The following CCDC88A variants were observed in gnomAD, a reference collection of about 807,000 sequenced individuals.
The protein encoded by CCDC88A is girdin.
A neutral mutation model predicts 234.3 loss-of-function variants in CCDC88A; 54 were observed. The ratio of observed to expected loss-of-function variants is 0.23; its 90% CI spans 0.19 to 0.29. CCDC88A has a LOEUF of 0.29. Among genes scored for constraint, CCDC88A ranks in the 10% least tolerant of loss-of-function variants. CCDC88A has a pLI of 1.00. For missense variants in CCDC88A, 1,832 were observed against 2,123.4 expected (o/e 0.86, Z 2.70); for synonymous variants, 753 against 737.8 (o/e 1.02, Z -0.33).
At chr2:55,346,964 C>G (rs1669198904) in intron 9 of CCDC88A, among the ~76,000 whole-genome samples, 2 of 151,850 alleles carry the variant, frequency 1.3e-5, no homozygotes, top group South Asian at 4.2e-4. Flanking sequence ...AAAAAATATT[C>G]AGGATATTTT....
rs1462422617 is a variant in CCDC88A, at chr2:55,295,841, A to G, written c.5307T>C (p.Ser1769=). The G allele has an allele frequency of 6.2e-7, 1 of 1,613,978 alleles. No homozygotes were observed. The highest frequency in any genetic ancestry group is 8.5e-7 in the Non-Finnish European group (1 of 1,180,022). The change falls in exon 31 of 33, where the codon TCT becomes TCC. Residue 1769 remains serine (S), a synonymous_variant. Transcript: ENST00000436346. ...GAGTGCCTGGTGTAGGTTTTCCCGC[A>G]GAACTAATGAAGTAGGTATCTTCAG... ...RKTEDTYFIS[S]AGKPTPGTQG...
chr2:55,401,325 G>A (rs1242207098), intron 2 of CCDC88A, among the ~76,000 whole-genome samples: 9 of 149,662 alleles, frequency 6.0e-5, no homozygotes, highest in Non-Finnish European at 1.0e-4. Flanking sequence ...TCCTAGCTAC[G>A]CAGGAGGCTA....
At chr2:55,338,590 T>A (rs948605003) in intron 13 of CCDC88A, among the ~76,000 whole-genome samples, 2 of 152,200 alleles carry the variant, frequency 1.3e-5, no homozygotes, top group Admixed American at 6.5e-5. Flanking sequence ...TCTCTAAATA[T>A]CATTTCCCAC....
Position 55,299,839 on chromosome 2 carries a change from C to A in CCDC88A, c.4825G>T (p.Ala1609Ser). Reference protein sequence around the residue: ...NNNASLHEVKAGAVNNQSRPQ... With the variant: ...NNNASLHEVKSGAVNNQSRPQ... ...ATTAATAAATTTACCTACAGCATAC[C>A]TTTGACTTCATGTAGTGAAGCATTA... Residue 1609 changes from alanine to serine, a missense_variant and splice_region_variant, in exon 29 of 33, where the codon GCA becomes TCA. By Grantham distance (99) the Ala-to-Ser change is moderately conservative (BLOSUM62 1). Coordinates refer to ENST00000436346, the MANE Select transcript of CCDC88A (RefSeq NM_001365480.1). 6.2e-7 allele frequency: 1 copy of A among 1,602,726 alleles called. No individual in the cohort carries two copies. Among genetic ancestry groups the A allele is most frequent in the African/African-American group, 1.3e-5 (1 of 74,770 alleles).
chr2:55,368,470 T>C (rs1274960725), intron 5 of CCDC88A, among the ~76,000 whole-genome samples: 3 of 151,872 alleles, frequency 2.0e-5, no homozygotes, highest in Non-Finnish European at 1.5e-5. Flanking sequence ...TCTCTCTCTC[T>C]TTCTCCCTCT....
chr2:55,330,048 A>G (rs1274171575), intron 16 of CCDC88A: 1 of 152,162 alleles, frequency 6.6e-6, no homozygotes, highest in Non-Finnish European at 1.5e-5. Context: ...GGCATGAGCC[A>G]CCGTGCCCGG....
At chr2:55,375,495 A>G (rs930079717) in intron 3 of CCDC88A, among the ~76,000 whole-genome samples, 5 of 48,134 alleles carry the variant, frequency 1.0e-4, no homozygotes, top group Admixed American at 1.9e-4. Flanking sequence ...ATATATATAT[A>G]TATATATATA....
Position 55,332,515 on chromosome 2 carries a change from C to CAAAA in CCDC88A, c.2855+47_2855+50dup. The CAAAA allele has an allele frequency of 1.6e-5, 22 of 1,378,778 alleles. No individual in the cohort carries two copies. In the East Asian group the frequency reaches 4.7e-4, roughly 30 times the overall value. 85.4% of individuals were successfully genotyped at this position (1,378,778 alleles called of 1,614,324 possible). A position where few individuals can be genotyped will look rare whatever the true frequency, so the allele number is the denominator to read the frequency against. On this transcript the variant is annotated intron_variant, in intron 16 of 32. Coordinates refer to ENST00000436346, the MANE Select transcript of CCDC88A (RefSeq NM_001365480.1). The surrounding 1 kb of genome is among the most constrained non-coding windows in gnomAD (Gnocchi z 4.5). ...AGTACAGAAAGAATTCATGTATGAG[C>CAAAA]AAAAAAAAAAAAAAATTTTCAACTG...
At chr2:55,331,328 T>C (rs1365333543) in intron 16 of CCDC88A, among the ~76,000 whole-genome samples, 1 of 152,218 alleles carries the variant, frequency 6.6e-6, no homozygotes, top group Non-Finnish European at 1.5e-5. Context: ...TAATCATTGC[T>C]TGACTTGAAC....
At position 55,388,522 on chromosome 2, in the gene CCDC88A, T is replaced by C. The variant is rs565722081; in HGVS notation, c.273+256A>G. 3.3e-4 allele frequency: 68 copies of C among 207,948 alleles called. 1 individual carries two copies. In the South Asian group the frequency reaches 8.9e-3, roughly 27 times the overall value. The allele number at this position is 207,948 out of a possible 1,614,324, so 12.9% of individuals were successfully genotyped here. A position where few individuals can be genotyped will look rare whatever the true frequency, so the allele number is the denominator to read the frequency against. The stretch of plus-strand genomic sequence containing the variant: ...ACAACAAAATGTTACACTATGCAAG[T>C]TCTCAGGAAACTGGGACCTGATTTT... On this transcript the variant is annotated intron_variant, in intron 3 of 32. Transcript: ENST00000436346.
rs757654669 is a variant in CCDC88A at position 55,334,689 on chromosome 2, T to G, written c.2132A>C (p.Glu711Ala). ...TTTCATGCTTGCACACTTCAAAGATTCTACATTCCTTCGCAGTTCTAAGTT... is the reference window on the plus strand; with the variant it reads ...TTTCATGCTTGCACACTTCAAAGATGCTACATTCCTTCGCAGTTCTAAGTT... ...EENLELRRNVESLKCASMKMA... is the reference protein window; with the variant it reads ...EENLELRRNVASLKCASMKMA... The change falls in exon 15 of 33, where the codon GAA becomes GCA. Residue 711 changes from glutamate to alanine, a missense_variant. By Grantham distance (107) the Glu-to-Ala change is moderately radical (BLOSUM62 -1). This residue lies in a region of CCDC88A where 1,282 missense variants were observed against 1,543.6 expected (regional missense o/e 0.83). Coordinates refer to ENST00000436346, the MANE Select transcript of CCDC88A (RefSeq NM_001365480.1). This position sits in a 1 kb window ranked among gnomAD's most constrained non-coding sequence, Gnocchi z 6.1. 17 of 1,613,638 alleles carry G rather than the reference T, an allele frequency of 1.1e-5. No homozygotes were observed. The South Asian group carries it at 1.9e-4, about 18-fold the overall frequency.
chr2:55,368,838 G>A (rs1044753108), intron 5 of CCDC88A, among the ~76,000 whole-genome samples: 3 of 152,048 alleles, frequency 2.0e-5, no homozygotes, highest in African/African-American at 7.3e-5. Flanking sequence ...GAAATAGAGA[G>A]GACATTTTAC....
chr2:55,317,496 A>C lies in CCDC88A; in HGVS notation c.3602+68T>G. 2 of 1,243,628 alleles carry C rather than the reference A, an allele frequency of 1.6e-6. No individual in the cohort carries two copies. The allele number at this position is 1,243,628 out of a possible 1,614,324, so 77.0% of individuals were successfully genotyped here. A position where few individuals can be genotyped will look rare whatever the true frequency, so the allele number is the denominator to read the frequency against. On this transcript the variant is annotated intron_variant, in intron 20 of 32. Coordinates refer to ENST00000436346, the MANE Select transcript of CCDC88A (RefSeq NM_001365480.1). The surrounding 1 kb of genome is among the most constrained non-coding windows in gnomAD (Gnocchi z 4.2). ...CTAACATTAGATGTGTTTAATATAT[A>C]AAATTTATTATACTACTTGAAGAAA...
At chr2:55,354,908 T>G (rs1670366529) in intron 8 of CCDC88A, among the ~76,000 whole-genome samples, 1 of 151,086 alleles carries the variant, frequency 6.6e-6, no homozygotes, top group Non-Finnish European at 1.5e-5. Flanking sequence ...CTTTTTTTAC[T>G]TTTAAACTTT....
Position 55,335,404 on chromosome 2 carries a change from C to G in CCDC88A, c.1657-240G>C, listed in dbSNP as rs1404054281. ...AAAGTTCATGTTTTTAGGAAGTTCA[C>G]AGTTTAAAGGAACGGTTGAGAAATG... On this transcript the variant is annotated intron_variant, in intron 14 of 32. Transcript: ENST00000436346. The surrounding 1 kb of genome is among the most constrained non-coding windows in gnomAD (Gnocchi z 4.5). 1.3e-5 allele frequency among the ~76,000 whole-genome samples: 2 copies of G among 152,152 alleles called. No homozygotes were observed. Among genetic ancestry groups the G allele is most frequent in the East Asian group, 3.9e-4 (2 of 5,184 alleles).
In CCDC88A at chr2:55,332,970, A is replaced by G. The variant is rs779061232; in HGVS notation, c.2728-277T>C. On this transcript the variant is annotated intron_variant, in intron 15 of 32. Coordinates refer to ENST00000436346, the MANE Select transcript of CCDC88A (RefSeq NM_001365480.1). This position sits in a 1 kb window ranked among gnomAD's most constrained non-coding sequence, Gnocchi z 4.5. ...CATTTAGGTTTGAAAACTGGGGAAA[A>G]TCATATCCATTTACTTTTTAATAAT... 3.9e-5 allele frequency among the ~76,000 whole-genome samples: 6 copies of G among 152,200 alleles called. No homozygotes were observed. Among genetic ancestry groups the G allele is most frequent in the Admixed American group, 1.3e-4 (2 of 15,280 alleles).
chr2:55,333,948 G>C (rs138685352), intron 15 of CCDC88A, 146 bp downstream of exon 15: 52 of 399,084 alleles, frequency 1.3e-4, no homozygotes, highest in African/African-American at 1.1e-3. Flanking sequence ...AGGAAACTTG[G>C]AAGCTATTTC....
chr2:55,310,947 A>AT (rs1682276950), intron 23 of CCDC88A, among the ~76,000 whole-genome samples: 1 of 152,226 alleles, frequency 6.6e-6, no homozygotes, highest in Non-Finnish European at 1.5e-5. Context: ...TAACAAAGGC[A>AT]TTTAGCTAGA....
intron 16 of CCDC88A, among the ~76,000 whole-genome samples, chr2:55,330,497 T>C (rs987366594): frequency 1.1e-5 from 1 of 92,430 alleles, no homozygotes; most frequent in Non-Finnish European, 2.3e-5. Context: ...ACGGGAAACT[T>C]AGATTAATAG....
Sources: gnomAD v4.1 joint callset for allele counts (sites outside exome capture counted in the v4.1 genomes callset) on GRCh38, gnomAD v4.1.1 for gene constraint, gnomAD v4.1.1 regional missense constraint, Gnocchi (gnomAD v3.1) non-coding constraint, MANE v1.5 for transcripts, NCBI Gene and HGNC (gene_info 2026-07-23, HGNC 2026-07-21) for gene names.